PSD3: variants seen among roughly 807,000 people sequenced by gnomAD.
PSD3 encodes pleckstrin and Sec7 domain containing 3.
Under a neutral mutation model 105.5 loss-of-function variants are expected in PSD3, and 49 were observed. That is an observed-to-expected ratio of 0.46 (90% confidence interval 0.37 to 0.59). The LOEUF (loss-of-function observed/expected upper bound fraction) is 0.59, where lower values mean the gene tolerates loss of function less well. Among genes scored for constraint, PSD3 ranks in the 20% least tolerant of loss-of-function variants. The pLI, the probability that PSD3 is intolerant of heterozygous loss-of-function variation, is 0.00. For missense variants in PSD3, 1,561 were observed against 1,263.8 expected (o/e 1.24, Z -3.57); for synonymous variants, 557 against 457.8 (o/e 1.22, Z -2.77).
intron 4 of PSD3, among the ~76,000 whole-genome samples, chr8:18,829,208 G>A (rs984927169): frequency 2.0e-5 from 3 of 152,180 alleles, no homozygotes; most frequent in Non-Finnish European, 4.4e-5. Flanking sequence ...CCACTGTACA[G>A]CCTGGGTAAC....
chr8:18,960,680 C>T (rs1156639137), intron 1 of PSD3, among the ~76,000 whole-genome samples: 1 of 152,062 alleles, frequency 6.6e-6, no homozygotes, highest in African/African-American at 2.4e-5. Flanking sequence ...CCAATTAGAT[C>T]CTAACTGAAA....
chr8:18,739,839 T>C (rs1039561808), intron 9 of PSD3, among the ~76,000 whole-genome samples: 1 of 152,196 alleles, frequency 6.6e-6, no homozygotes, highest in Admixed American at 6.5e-5. Flanking sequence ...CTGGCTAAGA[T>C]CAACTATAGT....
Position 18,664,220 on chromosome 8 carries a change from G to A in PSD3, c.2173-8535C>T, listed in dbSNP as rs146014030. On this transcript the variant is annotated intron_variant, in intron 9 of 15. Coordinates refer to ENST00000327040, the MANE Select transcript of PSD3 (RefSeq NM_015310.4). Reference sequence around the variant, plus strand: ...TTAAGCTTAGTGAGGCTAAGGCTACGCTGAAGGTGAGGTTTCTTGCACCAG... The same window carrying A: ...TTAAGCTTAGTGAGGCTAAGGCTACACTGAAGGTGAGGTTTCTTGCACCAG... Among the ~76,000 whole-genome samples, 498 of 152,310 alleles carry A rather than the reference G, an allele frequency of 3.3e-3. 3 individuals carry two copies. The highest frequency in any genetic ancestry group is 6.1e-3 in the Non-Finnish European group (413 of 68,030).
intron 12 of PSD3, among the ~76,000 whole-genome samples, chr8:18,596,520 G>A (rs1804108999): frequency 6.6e-6 from 1 of 151,498 alleles, no homozygotes; most frequent in African/African-American, 2.4e-5. Context: ...AAGAAATAGA[G>A]AAATGAAAAA....
At chr8:18,573,146 A>G (rs1802247690) in intron 13 of PSD3, among the ~76,000 whole-genome samples, 1 of 152,116 alleles carries the variant, frequency 6.6e-6, no homozygotes, top group South Asian at 2.1e-4. Flanking sequence ...CAGCAATTCT[A>G]CTCCTAAGTA....
chr8:19,050,589 A>G (rs1052014441), intron 1 of PSD3, among the ~76,000 whole-genome samples: 6 of 152,196 alleles, frequency 3.9e-5, no homozygotes, highest in African/African-American at 9.6e-5. Context: ...CGCAAGAACA[A>G]AAAACCAAAC....
At chr8:18,957,886 G>A (rs986035300) in intron 1 of PSD3, among the ~76,000 whole-genome samples, 2 of 152,152 alleles carry the variant, frequency 1.3e-5, no homozygotes, top group African/African-American at 4.8e-5. Context: ...ATGAGTCTTG[G>A]CCAGAACACT....
At chr8:18,962,959 C>T (rs770124958) in intron 1 of PSD3, among the ~76,000 whole-genome samples, 3 of 152,112 alleles carry the variant, frequency 2.0e-5, no homozygotes, top group African/African-American at 4.8e-5. Context: ...TGTATTAGTC[C>T]GTTTTCACGC....
rs148518266 is a variant in PSD3 at position 18,998,781 on chromosome 8, C to A, written c.21+14782G>T. On this transcript the variant is annotated intron_variant, in intron 1 of 15. Coordinates refer to ENST00000327040, the MANE Select transcript of PSD3 (RefSeq NM_015310.4). ...AGGCTAATATAATGGACTTTGATTT[C>A]TTTAGATGAAAGAGAAATTATGATG... Among the ~76,000 whole-genome samples the A allele has an allele frequency of 8.9e-4, 135 of 151,418 alleles. 3 individuals are homozygous for A. The highest frequency in any genetic ancestry group is 2.7e-3 in the African/African-American group (111 of 41,260).
chr8:18,783,027 A>C (rs1808787922), intron 8 of PSD3, among the ~76,000 whole-genome samples: 1 of 152,224 alleles, frequency 6.6e-6, no homozygotes, highest in Non-Finnish European at 1.5e-5. Context: ...AGAATTACTT[A>C]AAAAGTGTTA....
chr8:19,008,528 C>T (rs905937470), intron 1 of PSD3, among the ~76,000 whole-genome samples: 1 of 152,212 alleles, frequency 6.6e-6, no homozygotes, highest in African/African-American at 2.4e-5. Context: ...TCAATCAAAA[C>T]TGTGCCTATC....
chr8:18,585,369 G>C (rs1275919465), intron 12 of PSD3, among the ~76,000 whole-genome samples: 1 of 152,124 alleles, frequency 6.6e-6, no homozygotes, highest in African/African-American at 2.4e-5. Context: ...GCAGGCTAGA[G>C]TGCAATGACC....
intron 9 of PSD3, among the ~76,000 whole-genome samples, chr8:18,687,133 C>A (rs1800700192): frequency 6.6e-6 from 1 of 152,148 alleles, no homozygotes; most frequent in South Asian, 2.1e-4. Context: ...ACAAGTTTCC[C>A]TTCTCTATCG....
At chr8:18,813,275 G>A (rs1811866550) in intron 4 of PSD3, among the ~76,000 whole-genome samples, 1 of 152,138 alleles carries the variant, frequency 6.6e-6, no homozygotes, top group Non-Finnish European at 1.5e-5. Flanking sequence ...GTAACAGTGT[G>A]CACACATGGA....
At chr8:18,952,800 G>A (rs556716142) in intron 1 of PSD3, among the ~76,000 whole-genome samples, 1 of 152,286 alleles carries the variant, frequency 6.6e-6, no homozygotes, top group African/African-American at 2.4e-5. Flanking sequence ...GGACAATTTG[G>A]AGACATTTAG....
intron 10 of PSD3, among the ~76,000 whole-genome samples, chr8:18,652,497 T>TTTTTTTTTTTTG (rs1808578492): frequency 7.0e-6 from 1 of 141,988 alleles, no homozygotes; most frequent in East Asian, 2.0e-4. Flanking sequence ...AGCTTAGTTT[T>TTTTTTTTTTTTG]TTTTTTTTTT....
At chr8:18,766,029 C>G (rs1221622748) in intron 8 of PSD3, among the ~76,000 whole-genome samples, 1 of 151,428 alleles carries the variant, frequency 6.6e-6, no homozygotes, top group Non-Finnish European at 1.5e-5. Flanking sequence ...AACTAGACAT[C>G]TATTTACAAA....
At chr8:18,725,096 C>CA (rs1803255291) in intron 9 of PSD3, among the ~76,000 whole-genome samples, 1 of 152,162 alleles carries the variant, frequency 6.6e-6, no homozygotes, top group African/African-American at 2.4e-5. Context: ...TTCAGTGCAG[C>CA]AAACAGGTTC....
chr8:18,747,381 T>G (rs1805114676), intron 9 of PSD3, among the ~76,000 whole-genome samples: 1 of 152,202 alleles, frequency 6.6e-6, no homozygotes, highest in Non-Finnish European at 1.5e-5. Flanking sequence ...AAAAATCAAT[T>G]TTCCCTACAG....
Sources: gnomAD v4.1 joint callset for allele counts (sites outside exome capture counted in the v4.1 genomes callset) on GRCh38, gnomAD v4.1.1 for gene constraint, MANE v1.5 for transcripts, NCBI Gene and HGNC (gene_info 2026-07-23, HGNC 2026-07-21) for gene names.